Variants in MCPH1 observed in about 807,000 individuals in gnomAD.
The protein encoded by MCPH1 is microcephalin 1.
MCPH1 carries 104 observed loss-of-function variants against 84.5 expected under a neutral mutation model. The observed-to-expected ratio is 1.23, with a 90% CI of 1.05 to 1.45. The LOEUF (loss-of-function observed/expected upper bound fraction) is 1.45. MCPH1 is among the 40% of genes most tolerant of loss of function. The pLI is 0.00. For missense variants in MCPH1, 1,498 were observed against 1,005.7 expected (o/e 1.49, Z -6.62); for synonymous variants, 514 against 366.8 (o/e 1.40, Z -4.58).
chr8:6,628,536 G>C (rs1586868641), intron 13 of MCPH1, among the ~76,000 whole-genome samples: 1 of 149,052 alleles, frequency 6.7e-6, no homozygotes, highest in South Asian at 2.1e-4. Context: ...ACAGGAGTCA[G>C]CTGTCTATTC....
rs111341010 is a variant in MCPH1 at position 6,549,594 on chromosome 8, G to A, written c.2214+49665G>A. ...CCGCGTGCAGGGCGGGAAGCCTTCT[G>A]CATCTTGAGTTGGGCGGTCGTTACA... On this transcript the variant is annotated intron_variant, in intron 12 of 13. Coordinates refer to ENST00000344683, the MANE Select transcript of MCPH1 (RefSeq NM_024596.5). 1.4e-3 allele frequency among the ~76,000 whole-genome samples: 204 copies of A among 148,630 alleles called. 2 individuals carry two copies. The highest frequency in any genetic ancestry group is 4.5e-3 in the African/African-American group (181 of 40,200).
intron 12 of MCPH1, chr8:6,503,219 A>C (rs1812554064): frequency 1.2e-6 from 2 of 1,614,012 alleles, no homozygotes; most frequent in South Asian, 2.2e-5. Context: ...TGGATAGTAC[A>C]TTCCGTTCAA....
intron 8 of MCPH1, chr8:6,446,327 T>C (rs1406214861): frequency 1.0e-6 from 1 of 985,142 alleles, no homozygotes; most frequent in African/African-American, 1.7e-5. Flanking sequence ...AGGTTAAAAT[T>C]TGAGTGAGAA....
At chr8:6,593,768 T>A (rs1179455057) in intron 12 of MCPH1, among the ~76,000 whole-genome samples, 1 of 152,210 alleles carries the variant, frequency 6.6e-6, no homozygotes, top group African/African-American at 2.4e-5. Context: ...TGAGGTCATG[T>A]TATAAAATTG....
chr8:6,517,440 A>G (rs1427530210), intron 12 of MCPH1, among the ~76,000 whole-genome samples: 1 of 152,270 alleles, frequency 6.6e-6, no homozygotes, highest in Non-Finnish European at 1.5e-5. Flanking sequence ...GATAAATGCC[A>G]TCTTGCAGTC....
intron 12 of MCPH1, chr8:6,562,692 T>C (rs1001538174): frequency 1.2e-6 from 2 of 1,608,952 alleles, no homozygotes; most frequent in African/African-American, 2.7e-5. Context: ...TCTCCAGCAC[T>C]TGCAGCCTCT....
At chr8:6,527,175 G>T (rs575057267) in intron 12 of MCPH1, among the ~76,000 whole-genome samples, 15 of 151,668 alleles carry the variant, frequency 9.9e-5, no homozygotes, top group African/African-American at 3.7e-4. Flanking sequence ...TAATAGATTA[G>T]CATGTAGAAT....
At chr8:6,432,837 A>AAATCAAG (rs1802037226) in intron 4 of MCPH1, among the ~76,000 whole-genome samples, 1 of 152,272 alleles carries the variant, frequency 6.6e-6, no homozygotes, top group African/African-American at 2.4e-5. Flanking sequence ...TCCCTGTGAC[A>AAATCAAG]TGCTAAAATC....
chr8:6,493,644 G>C (rs1810909518), intron 11 of MCPH1, among the ~76,000 whole-genome samples: 1 of 152,104 alleles, frequency 6.6e-6, no homozygotes. Flanking sequence ...GCAGATCCTG[G>C]TTCAGTGGGT....
intron 12 of MCPH1, among the ~76,000 whole-genome samples, chr8:6,509,711 C>G (rs1814567548): frequency 6.6e-6 from 1 of 152,196 alleles, no homozygotes; most frequent in East Asian, 1.9e-4. Context: ...AGCCCATTTT[C>G]TGTTGAAAAT....
intron 4 of MCPH1, among the ~76,000 whole-genome samples, chr8:6,434,178 T>C (rs1264128519): frequency 2.0e-5 from 3 of 152,164 alleles, no homozygotes; most frequent in Non-Finnish European, 1.5e-5. Context: ...TGTGGGCAGT[T>C]TGATGGAATA....
At chr8:6,502,856 T>A (rs1812460595) in intron 12 of MCPH1, 2 of 466,828 alleles carry the variant, frequency 4.3e-6, no homozygotes, top group Admixed American at 3.8e-5. Context: ...CTCGGGTTCA[T>A]CTTTGCATAG....
chr8:6,630,158 A>G (rs1008687416), intron 13 of MCPH1, among the ~76,000 whole-genome samples: 2 of 152,252 alleles, frequency 1.3e-5, no homozygotes, highest in African/African-American at 4.8e-5. Context: ...AAATGTTAGC[A>G]AAATGGCAGC....
chr8:6,463,287 G>A (rs571531846), intron 9 of MCPH1, among the ~76,000 whole-genome samples: 2 of 152,244 alleles, frequency 1.3e-5, no homozygotes, highest in South Asian at 2.1e-4. Context: ...CTCAGTTTTC[G>A]AGAGATGCTT....
At position 6,519,362 on chromosome 8, in the gene MCPH1, G is replaced by A. The variant is rs185716473; in HGVS notation, c.2214+19433G>A. 4.6e-5 allele frequency among the ~76,000 whole-genome samples: 7 copies of A among 152,282 alleles called. No homozygotes were observed. The East Asian group carries it at 1.2e-3, about 25-fold the overall frequency. On this transcript the variant is annotated intron_variant, in intron 12 of 13. Coordinates refer to ENST00000344683, the MANE Select transcript of MCPH1 (RefSeq NM_024596.5). ...TAAAACTGCCACCATCCCCGTGTGA[G>A]GCAGGGCAGCGGTAGCTAACTGTAC...
chr8:6,609,826 C>CT (rs1187876042), intron 12 of MCPH1, among the ~76,000 whole-genome samples: 1 of 127,892 alleles, frequency 7.8e-6, no homozygotes, highest in East Asian at 2.0e-4. Context: ...CCCGCCCCCC[C>CT]CCCACACACA....
chr8:6,545,339 C>G (rs905356764), intron 12 of MCPH1, among the ~76,000 whole-genome samples: 1 of 152,072 alleles, frequency 6.6e-6, no homozygotes, highest in African/African-American at 2.4e-5. Context: ...TATCCATTTC[C>G]TGTGTTTTAT....
At chr8:6,524,423 A>G (rs1270128515) in intron 12 of MCPH1, among the ~76,000 whole-genome samples, 2 of 152,188 alleles carry the variant, frequency 1.3e-5, no homozygotes, top group African/African-American at 4.8e-5. Flanking sequence ...TGATAAAGAA[A>G]CCTTGAACCG....
intron 13 of MCPH1, among the ~76,000 whole-genome samples, chr8:6,623,548 C>G (rs559521826): frequency 6.6e-6 from 1 of 152,034 alleles, no homozygotes; most frequent in South Asian, 2.1e-4. Flanking sequence ...AAGTTACATT[C>G]GTATCTAACT....
Sources: gnomAD v4.1 joint callset for allele counts (sites outside exome capture counted in the v4.1 genomes callset) on GRCh38, gnomAD v4.1.1 for gene constraint, MANE v1.5 for transcripts, NCBI Gene and HGNC (gene_info 2026-07-23, HGNC 2026-07-21) for gene names.